DPYSL2: variants seen among roughly 807,000 people sequenced by gnomAD.
The protein encoded by DPYSL2 is dihydropyrimidinase like 2, also known as dihydropyrimidinase-related protein 2.
A neutral mutation model predicts 69.9 loss-of-function variants in DPYSL2; 13 were observed. The observed-to-expected ratio is 0.19, with a 90% CI of 0.12 to 0.30. The LOEUF is 0.30. Ranked by LOEUF, DPYSL2 falls within the 10% of genes least tolerant of loss-of-function variation. The probability of loss-of-function intolerance (pLI) is 1.00; values close to 1 mark genes in which losing one functional copy is unlikely to be tolerated. For missense variants in DPYSL2, 587 were observed against 918.9 expected (o/e 0.64, Z 4.67); for synonymous variants, 326 against 359.1 (o/e 0.91, Z 1.04).
chr8:26,653,432 A>G lies in DPYSL2; in HGVS notation c.1942+35A>G, dbSNP rs755090743. On this transcript the variant is annotated intron_variant, in intron 13 of 13. Coordinates refer to ENST00000521913, the MANE Select transcript of DPYSL2 (RefSeq NM_001197293.3). This position sits in a 1 kb window ranked among gnomAD's most constrained non-coding sequence, Gnocchi z 5.7. ...GGGCTTGGGGAGGGCACAGTTCTGC[A>G]GGGCCAGCTCGCTGGTGCTGGCGAG... 3.2e-6 allele frequency: 5 copies of G among 1,584,946 alleles called. No individual in the cohort carries two copies. Among genetic ancestry groups the G allele is most frequent in the Non-Finnish European group, 4.3e-6 (5 of 1,164,554 alleles).
intron 3 of DPYSL2, among the ~76,000 whole-genome samples, chr8:26,589,125 C>T (rs1036937086): frequency 1.3e-5 from 2 of 152,204 alleles, no homozygotes; most frequent in African/African-American, 2.4e-5. Context: ...GAACCCTCCA[C>T]GACGCGGCCT....
intron 1 of DPYSL2, among the ~76,000 whole-genome samples, chr8:26,546,429 C>A (rs1359687792): frequency 6.6e-6 from 1 of 152,128 alleles, no homozygotes; most frequent in Admixed American, 6.5e-5. Context: ...ACACCATCTG[C>A]TCAACAAATA....
chr8:26,568,648 G>C (rs902421015), intron 1 of DPYSL2, among the ~76,000 whole-genome samples: 1 of 151,534 alleles, frequency 6.6e-6, no homozygotes, highest in Admixed American at 6.6e-5. Flanking sequence ...ACCATGGCGT[G>C]TTTTTGGATG....
intron 1 of DPYSL2, among the ~76,000 whole-genome samples, chr8:26,572,257 C>T (rs2129693357): frequency 6.6e-6 from 1 of 152,340 alleles, no homozygotes; most frequent in Non-Finnish European, 1.5e-5. Flanking sequence ...CCAAGAGCAG[C>T]AGTGGGCTAG....
intron 1 of DPYSL2, among the ~76,000 whole-genome samples, chr8:26,579,451 A>G (rs542032467): frequency 6.6e-6 from 1 of 152,332 alleles, no homozygotes; most frequent in South Asian, 2.1e-4. Context: ...CGGCCAGCTG[A>G]TTCCCGGGTA....
At chr8:26,570,275 T>G (rs1801215704) in intron 1 of DPYSL2, among the ~76,000 whole-genome samples, 1 of 152,108 alleles carries the variant, frequency 6.6e-6, no homozygotes, top group Non-Finnish European at 1.5e-5. Flanking sequence ...TGAGTTACAC[T>G]GGGTTATGAG....
At chr8:26,584,913 C>G (rs892352701) in intron 3 of DPYSL2, among the ~76,000 whole-genome samples, 1 of 152,176 alleles carries the variant, frequency 6.6e-6, no homozygotes, top group Non-Finnish European at 1.5e-5. Flanking sequence ...GCCACCGTGC[C>G]TGGCCGCTTT....
chr8:26,570,285 G>A (rs755729697), intron 1 of DPYSL2, among the ~76,000 whole-genome samples: 1 of 152,132 alleles, frequency 6.6e-6, no homozygotes, highest in Non-Finnish European at 1.5e-5. Flanking sequence ...TGGGTTATGA[G>A]GAAAGAAAGA....
intron 1 of DPYSL2, among the ~76,000 whole-genome samples, chr8:26,532,007 C>G (rs1027543798): frequency 6.6e-6 from 1 of 151,664 alleles, no homozygotes; most frequent in African/African-American, 2.4e-5. Context: ...GCACTTGTGC[C>G]TTTTGAAGGT....
chr8:26,634,705 C>T (rs113638215), intron 7 of DPYSL2, 75 bp from the exon 8 acceptor site: 2 of 1,609,606 alleles, frequency 1.2e-6, no homozygotes, highest in African/African-American at 1.3e-5. Context: ...TAGCCTCTCT[C>T]TGGGGTGGAG....
At chr8:26,558,443 G>A (rs966914965) in intron 1 of DPYSL2, among the ~76,000 whole-genome samples, 4 of 152,186 alleles carry the variant, frequency 2.6e-5, no homozygotes, top group African/African-American at 9.7e-5. Flanking sequence ...GAGTGGAAGA[G>A]AGCAATAGTA....
At position 26,582,019 on chromosome 8, in the gene DPYSL2, G is replaced by A. The variant is rs199994960; in HGVS notation, c.405G>A (p.Ser135=). ...KGGKIVNDDQ[S]FYADIYMEDG... is the part of the protein sequence containing the mutation. ...GTAAAATTGTTAATGATGACCAGTC[G>A]TTCTATGCAGACATATACATGGAAG... Residue 135 remains serine (S), a synonymous_variant, in exon 2 of 14, where the codon TCG becomes TCA. Coordinates refer to ENST00000521913, the MANE Select transcript of DPYSL2 (RefSeq NM_001197293.3). This position sits in a 1 kb window ranked among gnomAD's most constrained non-coding sequence, Gnocchi z 4.1. 1.1e-5 allele frequency: 17 copies of A among 1,613,784 alleles called. No individual in the cohort carries two copies. The highest frequency in any genetic ancestry group is 4.5e-5 in the East Asian group (2 of 44,882).
intron 7 of DPYSL2, among the ~76,000 whole-genome samples, chr8:26,629,109 A>G (rs1198060260): frequency 5.9e-5 from 9 of 152,284 alleles, no homozygotes; most frequent in South Asian, 2.1e-4. Context: ...GCCACTCGGA[A>G]TGCTTTGCAC....
In DPYSL2 at chr8:26,614,357, G is replaced by A. The variant is rs901065183; in HGVS notation, c.629-9786G>A. Among the ~76,000 whole-genome samples the A allele has an allele frequency of 3.9e-5, 6 of 152,084 alleles. No homozygotes were observed. Among genetic ancestry groups the A allele is most frequent in the Non-Finnish European group, 8.8e-5 (6 of 68,022 alleles). ...GGGAATGGGAGCGAGAAGGTGGGGC[G>A]TCAGCAACATTCAGCTCCCTCCATA... On this transcript the variant is annotated intron_variant, in intron 3 of 13. Transcript: ENST00000521913. This position sits in a 1 kb window ranked among gnomAD's most constrained non-coding sequence, Gnocchi z 4.9.
rs116841519 is a variant in DPYSL2 at position 26,588,095 on chromosome 8, C to G, written c.628+4112C>G. Among the ~76,000 whole-genome samples the G allele has an allele frequency of 4.8e-3, 735 of 152,318 alleles. 2 individuals are homozygous for G. Among genetic ancestry groups the G allele is most frequent in the Admixed American group, 7.6e-3 (116 of 15,292 alleles). On this transcript the variant is annotated intron_variant, in intron 3 of 13. Transcript: ENST00000521913. The surrounding 1 kb of genome is among the most constrained non-coding windows in gnomAD (Gnocchi z 5.4). ...GACTGTGGTGGCATCACAACAGCAT[C>G]TGCCCAGTAGTGAGCACTCCCATGT...
In DPYSL2 at chr8:26,655,674, G is replaced by A. The variant is rs1449615240; in HGVS notation, c.2002G>A (p.Gly668Ser). Residue 668 changes from glycine (G) to serine (S), a missense_variant, in exon 14 of 14, where the codon GGT becomes AGT. Coordinates refer to ENST00000521913, the MANE Select transcript of DPYSL2 (RefSeq NM_001197293.3). ...RTTQRIVAPP[G>S]GRANITSLG Reference sequence around the variant, plus strand: ...CACCCAGCGTATCGTGGCGCCCCCCGGTGGCCGTGCCAACATCACCAGCCT... The same window carrying A: ...CACCCAGCGTATCGTGGCGCCCCCCAGTGGCCGTGCCAACATCACCAGCCT... 6.2e-7 allele frequency: 1 copy of A among 1,608,662 alleles called. No individual in the cohort carries two copies. The highest frequency in any genetic ancestry group is 1.7e-5 in the Admixed American group (1 of 59,972).
chr8:26,624,041 T>C lies in DPYSL2; in HGVS notation c.629-102T>C, dbSNP rs1165089735. 6.2e-6 allele frequency: 8 copies of C among 1,286,292 alleles called. No homozygotes were observed. The highest frequency in any genetic ancestry group is 2.4e-4 in the Middle Eastern group (1 of 4,154). 79.7% of individuals were successfully genotyped at this position (1,286,292 alleles called of 1,614,324 possible). A position where few individuals can be genotyped will look rare whatever the true frequency, so the allele number is the denominator to read the frequency against. On this transcript the variant is annotated intron_variant, in intron 3 of 13. Transcript: ENST00000521913. This position sits in a 1 kb window ranked among gnomAD's most constrained non-coding sequence, Gnocchi z 4.7. ...GTTGTAGAGATCACCATCTCGATTT[T>C]GAACCCAAGAAGCCTTATTCAGGGT...
chr8:26,588,225 C>T lies in DPYSL2; in HGVS notation c.628+4242C>T, dbSNP rs376249797. Among the ~76,000 whole-genome samples, 5 of 152,202 alleles carry T rather than the reference C, an allele frequency of 3.3e-5. No homozygotes were observed. Among genetic ancestry groups the T allele is most frequent in the African/African-American group, 7.2e-5 (3 of 41,446 alleles). On this transcript the variant is annotated intron_variant, in intron 3 of 13. Transcript: ENST00000521913. The surrounding 1 kb of genome is among the most constrained non-coding windows in gnomAD (Gnocchi z 5.4). ...TGGCCGGAGAAACAGGCTGAGCTGC[C>T]GTAGGGCTTGACCTGAGTATTCACT...
rs866001818 is a variant in DPYSL2 at position 26,562,765 on chromosome 8, A to G, written c.355-19204A>G. Reference sequence around the variant, plus strand: ...TGTGGATCAGGGATTTGAACACAGTAGAGCAGGGATATGTTGTCTCTGCTC... The same window carrying G: ...TGTGGATCAGGGATTTGAACACAGTGGAGCAGGGATATGTTGTCTCTGCTC... On this transcript the variant is annotated intron_variant, in intron 1 of 13. Transcript: ENST00000521913. This position sits in a 1 kb window ranked among gnomAD's most constrained non-coding sequence, Gnocchi z 4.9. Among the ~76,000 whole-genome samples the G allele has an allele frequency of 2.6e-5, 4 of 152,304 alleles. No individual in the cohort carries two copies. Among genetic ancestry groups the G allele is most frequent in the Middle Eastern group, 3.4e-3 (1 of 294 alleles).
Sources: gnomAD v4.1 joint callset for allele counts (sites outside exome capture counted in the v4.1 genomes callset) on GRCh38, gnomAD v4.1.1 for gene constraint, Gnocchi (gnomAD v3.1) non-coding constraint, MANE v1.5 for transcripts, NCBI Gene and HGNC (gene_info 2026-07-23, HGNC 2026-07-21) for gene names.